The following PRKN variants were observed in gnomAD, a reference collection of about 807,000 sequenced individuals.
The protein encoded by PRKN is E3 ubiquitin-protein ligase parkin.
Under a neutral mutation model 59.5 loss-of-function variants are expected in PRKN, and 56 were observed. The observed-to-expected ratio is 0.94, with a 90% CI of 0.76 to 1.18. The LOEUF (loss-of-function observed/expected upper bound fraction) is 1.18, where lower values mean the gene tolerates loss of function less well. PRKN is among the 50% of genes most tolerant of loss of function. The pLI is 0.00. For missense variants in PRKN, 657 were observed against 596.4 expected (o/e 1.10, Z -1.06); for synonymous variants, 250 against 222.1 (o/e 1.13, Z -1.12).
chr6:162,325,262 A>G (rs1280467104), intron 2 of PRKN, among the ~76,000 whole-genome samples: 1 of 152,124 alleles, frequency 6.6e-6, no homozygotes, highest in Non-Finnish European at 1.5e-5. Context: ...GGTTAACACA[A>G]GTTATCGATT....
At position 161,348,078 on chromosome 6, in the gene PRKN, C is replaced by T. The variant is rs1122470; in HGVS notation, c.*2021G>A. On this transcript the variant is annotated 3_prime_UTR_variant, in exon 12 of 12. Coordinates refer to ENST00000366898, the MANE Select transcript of PRKN (RefSeq NM_004562.3). The surrounding 1 kb of genome is among the most constrained non-coding windows in gnomAD (Gnocchi z 4.9). The stretch of plus-strand genomic sequence containing the variant: ...CCTTGTTCAGGCACCGCAAGCCCAA[C>T]GCAGCATGCAGATTGGGAAGGCGCA... The T allele has an allele frequency of 0.12, 22,015 of 186,890 alleles. 2,180 individuals carry two copies. Among genetic ancestry groups the T allele is most frequent in the African/African-American group, 0.29 (12,387 of 42,656 alleles). 11.6% of individuals were successfully genotyped at this position (186,890 alleles called of 1,614,324 possible). A position where few individuals can be genotyped will look rare whatever the true frequency, so the allele number is the denominator to read the frequency against.
chr6:162,691,036 T>C (rs1450734403), intron 1 of PRKN, among the ~76,000 whole-genome samples: 1 of 152,180 alleles, frequency 6.6e-6, no homozygotes, highest in East Asian at 1.9e-4. Flanking sequence ...CAATTTTTTA[T>C]CTGAGGTGTT....
chr6:162,553,557 A>AAAACC (rs1554242558), intron 1 of PRKN, among the ~76,000 whole-genome samples: 3 of 138,668 alleles, frequency 2.2e-5, no homozygotes, highest in African/African-American at 7.8e-5. Context: ...AAAAAAAAAA[A>AAAACC]CACCCTAAAG....
intron 7 of PRKN, among the ~76,000 whole-genome samples, chr6:161,734,643 A>G (rs918813531): frequency 3.9e-5 from 6 of 152,188 alleles, no homozygotes; most frequent in Non-Finnish European, 7.4e-5. Context: ...CATTTAGAGG[A>G]AATTTCTTGG....
At chr6:162,409,473 T>C (rs1788243565) in intron 2 of PRKN, among the ~76,000 whole-genome samples, 2 of 152,106 alleles carry the variant, frequency 1.3e-5, no homozygotes, top group South Asian at 2.1e-4. Context: ...CCCTTTTCTG[T>C]AGCACACCCC....
At chr6:162,203,540 C>G (rs1398673371) in intron 3 of PRKN, among the ~76,000 whole-genome samples, 1 of 152,162 alleles carries the variant, frequency 6.6e-6, no homozygotes, top group Non-Finnish European at 1.5e-5. Flanking sequence ...GCAAGGTTTT[C>G]TGTGTCATGC....
At chr6:162,386,677 C>T (rs958315904) in intron 2 of PRKN, among the ~76,000 whole-genome samples, 10 of 152,142 alleles carry the variant, frequency 6.6e-5, no homozygotes, top group Non-Finnish European at 1.2e-4. Flanking sequence ...TATGCGTGTA[C>T]GTACGTGTGC....
intron 2 of PRKN, among the ~76,000 whole-genome samples, chr6:162,285,629 A>T (rs1274508827): frequency 6.6e-6 from 1 of 152,206 alleles, no homozygotes; most frequent in African/African-American, 2.4e-5. Context: ...TAAATATCTT[A>T]CATATTATTT....
intron 7 of PRKN, among the ~76,000 whole-genome samples, chr6:161,671,156 A>C (rs904355376): frequency 1.3e-5 from 2 of 152,154 alleles, no homozygotes; most frequent in African/African-American, 4.8e-5. Context: ...GGATACCTGC[A>C]TGGGGAGGGG....
intron 3 of PRKN, among the ~76,000 whole-genome samples, chr6:162,211,063 G>T (rs1785179410): frequency 6.6e-6 from 1 of 152,170 alleles, no homozygotes; most frequent in Non-Finnish European, 1.5e-5. Flanking sequence ...AGATTTACAG[G>T]TAAGCCTTCC....
chr6:161,430,723 G>A lies in PRKN; in HGVS notation c.1084-43846C>T, dbSNP rs1431502085. ...CCAGCTACTCGGGAGGCTGAGGCAG[G>A]AGAATGGCGTGAACCTGGGAGGCGG... is the stretch of plus-strand genomic sequence containing the variant. On this transcript the variant is annotated intron_variant, in intron 9 of 11. Transcript: ENST00000366898. Among the ~76,000 whole-genome samples the A allele has an allele frequency of 2.0e-5, 3 of 148,242 alleles. No individual in the cohort carries two copies. The Admixed American group carries it at 2.1e-4, about 10-fold the overall frequency.
chr6:162,677,113 A>C (rs1779581564), intron 1 of PRKN, among the ~76,000 whole-genome samples: 1 of 151,722 alleles, frequency 6.6e-6, no homozygotes, highest in Non-Finnish European at 1.5e-5. Flanking sequence ...TGTGGTAGGA[A>C]ATGCTGGAAA....
At chr6:162,323,182 C>A (rs1418069376) in intron 2 of PRKN, among the ~76,000 whole-genome samples, 1 of 151,214 alleles carries the variant, frequency 6.6e-6, no homozygotes, top group Non-Finnish European at 1.5e-5. Context: ...ACATATGTAA[C>A]TAACCTGCAC....
intron 6 of PRKN, among the ~76,000 whole-genome samples, chr6:161,967,397 C>T (rs750093264): frequency 7.9e-5 from 12 of 152,172 alleles, no homozygotes; most frequent in Admixed American, 1.3e-4. Context: ...TCTTATTCCT[C>T]CCTCCTGCAG....
At chr6:161,677,655 C>T (rs1052005454) in intron 7 of PRKN, among the ~76,000 whole-genome samples, 5 of 152,162 alleles carry the variant, frequency 3.3e-5, no homozygotes, top group Non-Finnish European at 5.9e-5. Context: ...AAATAGCACA[C>T]TGAAATTTGA....
At chr6:162,105,542 C>T (rs1045075308) in intron 4 of PRKN, among the ~76,000 whole-genome samples, 4 of 152,144 alleles carry the variant, frequency 2.6e-5, no homozygotes, top group African/African-American at 9.7e-5. Flanking sequence ...GCTGGGACTA[C>T]AGGCGTGTGC....
At position 161,400,139 on chromosome 6, in the gene PRKN, C is replaced by T. The variant is rs983152067; in HGVS notation, c.1084-13262G>A. Among the ~76,000 whole-genome samples, 20 of 152,008 alleles carry T rather than the reference C, an allele frequency of 1.3e-4. No homozygotes were observed. The highest frequency in any genetic ancestry group is 3.4e-4 in the African/African-American group (14 of 41,356). On this transcript the variant is annotated intron_variant, in intron 9 of 11. Coordinates refer to ENST00000366898, the MANE Select transcript of PRKN (RefSeq NM_004562.3). This position sits in a 1 kb window ranked among gnomAD's most constrained non-coding sequence, Gnocchi z 4.2. ...CTAGTGGCCACCATGCTGGCCACCA[C>T]GCTGGACTGCGCAGGTCTACAAGGA...
intron 2 of PRKN, among the ~76,000 whole-genome samples, chr6:162,352,884 A>G (rs1294040998): frequency 2.0e-5 from 3 of 152,194 alleles, no homozygotes; most frequent in African/African-American, 7.2e-5. Context: ...TAATGGCATA[A>G]TTTAAACTTT....
chr6:162,552,066 TAA>T (rs1342449786), intron 1 of PRKN, among the ~76,000 whole-genome samples: 2 of 152,060 alleles, frequency 1.3e-5, no homozygotes, highest in Non-Finnish European at 2.9e-5. Context: ...GAAACTTGAA[TAA>T]AAAGAACACA....
Sources: allele counts gnomAD v4.1 joint callset (sites outside exome capture counted in the v4.1 genomes callset), GRCh38; gene constraint gnomAD v4.1.1; non-coding constraint Gnocchi (gnomAD v3.1); transcripts MANE v1.5; gene names NCBI Gene and HGNC (gene_info 2026-07-23, HGNC 2026-07-21).